CDKL1: variants seen among roughly 807,000 people sequenced by gnomAD.
The protein encoded by CDKL1 is cyclin-dependent kinase-like 1.
Under a neutral mutation model 42.0 loss-of-function variants are expected in CDKL1, and 41 were observed. The ratio of observed to expected loss-of-function variants is 0.98; its 90% CI spans 0.76 to 1.27. The LOEUF (loss-of-function observed/expected upper bound fraction) is 1.27, where lower values mean the gene tolerates loss of function less well. Ranked by LOEUF, CDKL1 falls within the 50% of genes most tolerant of loss-of-function variation. CDKL1 has a pLI of 0.00. For missense variants in CDKL1, 394 were observed against 428.4 expected, an observed-to-expected ratio of 0.92 and a Z score of 0.71; for synonymous variants, 153 against 158.6, an observed-to-expected ratio of 0.96 and a Z score of 0.26.
intron 3 of CDKL1, among the ~76,000 whole-genome samples, chr14:50,346,320 T>C (rs1320996320): frequency 1.3e-5 from 2 of 152,106 alleles, no homozygotes; most frequent in Non-Finnish European, 2.9e-5. Flanking sequence ...GTGTTTGAAG[T>C]TGCTTCTCTC....
rs1401778495 is a variant in CDKL1, at chr14:50,342,175, A to G, written c.411T>C (p.His137=). The G allele has an allele frequency of 6.2e-7, 1 of 1,614,108 alleles. No homozygotes were observed. Among genetic ancestry groups the G allele is most frequent in the Non-Finnish European group, 8.5e-7 (1 of 1,179,980 alleles). Reference sequence around the variant, plus strand: ...CAAAGTCACAAAGCTTAATCACGGAATGTTTCGTGATGAGGATATTTTCTG... The same window carrying G: ...CAAAGTCACAAAGCTTAATCACGGAGTGTTTCGTGATGAGGATATTTTCTG... ...VKPENILITK[H]SVIKLCDFGF... Residue 137 remains histidine, a synonymous_variant, in exon 5 of 10, where the codon CAT becomes CAC. Transcript: ENST00000395834.
intron 2 of CDKL1, among the ~76,000 whole-genome samples, chr14:50,393,518 A>G (rs927584269): frequency 6.6e-6 from 1 of 152,218 alleles, no homozygotes; most frequent in Non-Finnish European, 1.5e-5. Context: ...ACTGTCACCC[A>G]GGCTAGATAG....
chr14:50,343,904 T>C (rs552078098), intron 4 of CDKL1, among the ~76,000 whole-genome samples: 2 of 152,344 alleles, frequency 1.3e-5, no homozygotes, highest in South Asian at 4.1e-4. Flanking sequence ...AGAAGTGCTG[T>C]CTACTCTCAT....
chr14:50,334,684 T>C, intron 7 of CDKL1, 63 bp from the exon 8 acceptor site: 1 of 1,023,842 alleles, frequency 9.8e-7, no homozygotes. Flanking sequence ...TACCTCAAAT[T>C]AAATCTTTTG....
At chr14:50,371,486 G>A (rs887148641) in intron 2 of CDKL1, among the ~76,000 whole-genome samples, 1 of 152,188 alleles carries the variant, frequency 6.6e-6, no homozygotes, top group Non-Finnish European at 1.5e-5. Context: ...GAAATGTTGA[G>A]CATTTTTCCA....
At chr14:50,350,076 G>A (rs890018292) in intron 3 of CDKL1, among the ~76,000 whole-genome samples, 1 of 152,132 alleles carries the variant, frequency 6.6e-6, no homozygotes. Flanking sequence ...ACCGTGCTTG[G>A]CCAATACTTT....
chr14:50,339,855 G>A (rs1381399992), intron 6 of CDKL1, among the ~76,000 whole-genome samples: 1 of 152,170 alleles, frequency 6.6e-6, no homozygotes, highest in Non-Finnish European at 1.5e-5. Context: ...ACTCAAAGGT[G>A]TTCTCCTGGG....
chr14:50,354,271 G>C (rs1199909817), intron 3 of CDKL1, among the ~76,000 whole-genome samples: 1 of 152,106 alleles, frequency 6.6e-6, no homozygotes, highest in East Asian at 1.9e-4. Context: ...TTCAATGTCT[G>C]TGTTGCTTTA....
chr14:50,358,155 C>A (rs1202525243), intron 3 of CDKL1: 3 of 1,325,234 alleles, frequency 2.3e-6, no homozygotes, highest in Admixed American at 4.3e-5. Context: ...CTAGAGAGAG[C>A]TGTGTGGTAA....
chr14:50,374,936 G>A lies in CDKL1; in HGVS notation c.169-15787C>T, dbSNP rs888307246. 1.3e-5 allele frequency among the ~76,000 whole-genome samples: 2 copies of A among 152,202 alleles called. 1 individual carries two copies. The highest frequency in any genetic ancestry group is 4.8e-5 in the African/African-American group (2 of 41,516). On this transcript the variant is annotated intron_variant, in intron 2 of 9. Coordinates refer to ENST00000395834, the MANE Select transcript of CDKL1 (RefSeq NM_004196.7). ...GGAACATCACACACTGGGTCCTGTT[G>A]GGGGTTGGAGGGCAAGAGGAGGGAG...
At chr14:50,336,305 T>G in intron 7 of CDKL1, 14 of 1,160,790 alleles carry the variant, frequency 1.2e-5, no homozygotes, top group Admixed American at 3.4e-5. Flanking sequence ...GGACAATCTC[T>G]GGGAAGCCAT....
intron 2 of CDKL1, chr14:50,380,002 C>T (rs1199530996): frequency 2.4e-6 from 1 of 424,046 alleles, no homozygotes; most frequent in East Asian, 7.1e-5. Context: ...AGCACCGTTT[C>T]ATACTGGGCT....
rs375451090 is a variant in CDKL1 at position 50,378,411 on chromosome 14, G to A, written c.168+17290C>T. ...GCAGCCGTCTTGAAGGGGCTGGGCC[G>A]TGATAGTAGTAAAATGTAAGGCTGG... On this transcript the variant is annotated intron_variant, in intron 2 of 9. Coordinates refer to ENST00000395834, the MANE Select transcript of CDKL1 (RefSeq NM_004196.7). 73 of 1,366,364 alleles carry A rather than the reference G, an allele frequency of 5.3e-5. 1 individual carries two copies. Among genetic ancestry groups the A allele is most frequent in the South Asian group, 1.2e-4 (11 of 88,028 alleles). 84.6% of individuals were successfully genotyped at this position (1,366,364 alleles called of 1,614,324 possible).
At chr14:50,331,879 C>G (rs2032961769) in intron 9 of CDKL1, 1 of 767,350 alleles carries the variant, frequency 1.3e-6, no homozygotes, top group Admixed American at 3.0e-5. Context: ...TTGGACAAAC[C>G]TGGAGTGTTA....
chr14:50,380,504 G>A (rs1595363122), intron 2 of CDKL1, among the ~76,000 whole-genome samples: 1 of 152,228 alleles, frequency 6.6e-6, no homozygotes, highest in African/African-American at 2.4e-5. Context: ...TTCACCTTGT[G>A]TGGGATGGAC....
At chr14:50,371,034 C>A (rs2034576758) in intron 2 of CDKL1, among the ~76,000 whole-genome samples, 1 of 152,200 alleles carries the variant, frequency 6.6e-6, no homozygotes, top group South Asian at 2.1e-4. Context: ...GCTTACTCAG[C>A]AGCATAATGT....
chr14:50,370,093 G>A (rs1289765188), intron 2 of CDKL1, among the ~76,000 whole-genome samples: 1 of 147,342 alleles, frequency 6.8e-6, no homozygotes, highest in Admixed American at 6.8e-5. Context: ...CTTTGAGACA[G>A]AGTCTTGCTC....
upstream of CDKL1, chr14:50,397,129 C>T (rs563319253): frequency 1.2e-5 from 17 of 1,365,452 alleles, 1 homozygote; most frequent in Middle Eastern, 2.1e-4. Context: ...GTGCAAAGCG[C>T]AGCTGTAACC....
At chr14:50,370,977 G>A (rs1488775589) in intron 2 of CDKL1, among the ~76,000 whole-genome samples, 2 of 152,188 alleles carry the variant, frequency 1.3e-5, no homozygotes. Flanking sequence ...ACTTGTTTCA[G>A]ATTCCACATA....
Sources: allele counts gnomAD v4.1 joint callset (sites outside exome capture counted in the v4.1 genomes callset), GRCh38; gene constraint gnomAD v4.1.1; transcripts MANE v1.5; gene names NCBI Gene and HGNC (gene_info 2026-07-23, HGNC 2026-07-21).